The following ROBO1 variants were observed in gnomAD, a reference collection of about 807,000 sequenced individuals.
The protein encoded by ROBO1 is roundabout homolog 1.
Under a neutral mutation model 195.9 loss-of-function variants are expected in ROBO1, and 149 were observed. The ratio of observed to expected loss-of-function variants is 0.76; its 90% CI spans 0.67 to 0.87. ROBO1 has a LOEUF of 0.87. Among genes scored for constraint, ROBO1 ranks in the 40% least tolerant of loss-of-function variants. ROBO1 has a pLI of 0.00. For synonymous variants in ROBO1, 816 were observed against 733.2 expected, an observed-to-expected ratio of 1.11 and a Z score of -1.82; for missense variants, 1,933 against 2,068.3, an observed-to-expected ratio of 0.93 and a Z score of 1.27.
intron 2 of ROBO1, among the ~76,000 whole-genome samples, chr3:79,159,790 C>T (rs1035626977): frequency 1.3e-5 from 2 of 151,986 alleles, no homozygotes; most frequent in African/African-American, 2.4e-5. Context: ...TGCTTGATTT[C>T]GGTCTGGCCA....
chr3:78,625,441 T>C (rs1704704184), intron 26 of ROBO1, among the ~76,000 whole-genome samples: 1 of 152,124 alleles, frequency 6.6e-6, no homozygotes, highest in African/African-American at 2.4e-5. Context: ...AAAGAAAAGA[T>C]AAGTTTAAAG....
At chr3:79,410,131 A>T in intron 2 of ROBO1, among the ~76,000 whole-genome samples, 1 of 152,148 alleles carries the variant, frequency 6.6e-6, no homozygotes, top group East Asian at 1.9e-4. Flanking sequence ...AACGGAGTGA[A>T]TGTTTCTGAC....
intron 4 of ROBO1, among the ~76,000 whole-genome samples, chr3:78,933,788 A>G (rs2039658299): frequency 6.6e-6 from 1 of 152,008 alleles, no homozygotes. Flanking sequence ...TTTGAATATA[A>G]AAGTTAAAAA....
intron 1 of ROBO1, among the ~76,000 whole-genome samples, chr3:79,707,921 A>G (rs1339823494): frequency 6.6e-6 from 1 of 152,226 alleles, no homozygotes; most frequent in African/African-American, 2.4e-5. Context: ...TTAAATTTCA[A>G]AACTAAGAAG....
chr3:78,763,677 T>TTATGTTCAAAGA (rs2083159384), intron 4 of ROBO1, among the ~76,000 whole-genome samples: 1 of 152,194 alleles, frequency 6.6e-6, no homozygotes, highest in Non-Finnish European at 1.5e-5. Context: ...GAGTTCTTAC[T>TTATGTTCAAAGA]CTTATGTTAG....
chr3:78,923,169 A>G (rs2039037605), intron 4 of ROBO1, among the ~76,000 whole-genome samples: 1 of 152,178 alleles, frequency 6.6e-6, no homozygotes, highest in Non-Finnish European at 1.5e-5. Flanking sequence ...TTTCAGCCCC[A>G]GAAAATCAGC....
intron 4 of ROBO1, among the ~76,000 whole-genome samples, chr3:78,930,426 G>GC (rs1314142604): frequency 6.6e-6 from 1 of 152,138 alleles, no homozygotes; most frequent in African/African-American, 2.4e-5. Flanking sequence ...GGAAAGGGGG[G>GC]CCCTAAGCCT....
At chr3:78,966,675 A>G (rs1327926207) in intron 3 of ROBO1, among the ~76,000 whole-genome samples, 3 of 152,234 alleles carry the variant, frequency 2.0e-5, no homozygotes, top group Admixed American at 6.5e-5. Context: ...GCTTTAATTT[A>G]AATACAATTG....
intron 1 of ROBO1, among the ~76,000 whole-genome samples, chr3:79,662,290 C>T (rs1340392126): frequency 6.6e-6 from 1 of 152,060 alleles, no homozygotes; most frequent in African/African-American, 2.4e-5. Flanking sequence ...GTTTTTCCTG[C>T]CAACTGATGC....
At chr3:79,160,234 A>G (rs949138389) in intron 2 of ROBO1, among the ~76,000 whole-genome samples, 47 of 148,292 alleles carry the variant, frequency 3.2e-4, no homozygotes, top group African/African-American at 1.1e-3. Flanking sequence ...CTTTAAAAAA[A>G]TGTGTGTGTG....
intron 2 of ROBO1, among the ~76,000 whole-genome samples, chr3:79,361,085 T>C (rs539369978): frequency 5.3e-5 from 8 of 152,196 alleles, no homozygotes; most frequent in Non-Finnish European, 1.2e-4. Flanking sequence ...CTAATGGACA[T>C]GCCATATCAC....
intron 2 of ROBO1, among the ~76,000 whole-genome samples, chr3:79,330,309 C>CA (rs1381214734): frequency 1.4e-5 from 2 of 142,720 alleles, no homozygotes; most frequent in African/African-American, 5.2e-5. Flanking sequence ...TTTATTTCCT[C>CA]AAAAAATAAA....
intron 2 of ROBO1, among the ~76,000 whole-genome samples, chr3:79,540,699 T>C (rs190490863): frequency 6.6e-6 from 1 of 152,244 alleles, no homozygotes; most frequent in African/African-American, 2.4e-5. Context: ...CTTTGAGAAA[T>C]GTGATCTGAA....
intron 2 of ROBO1, among the ~76,000 whole-genome samples, chr3:79,346,833 A>T (rs2109247326): frequency 6.6e-6 from 1 of 151,844 alleles, no homozygotes; most frequent in East Asian, 1.9e-4. Context: ...AAGCATATAG[A>T]TTACATTAAT....
intron 2 of ROBO1, among the ~76,000 whole-genome samples, chr3:79,587,055 T>C (rs1223510345): frequency 6.6e-6 from 1 of 151,952 alleles, no homozygotes; most frequent in Admixed American, 6.6e-5. Flanking sequence ...AATCCATTTC[T>C]TAATTATTTC....
chr3:78,771,786 G>T (rs763529563), intron 4 of ROBO1, among the ~76,000 whole-genome samples: 5 of 152,182 alleles, frequency 3.3e-5, no homozygotes, highest in Non-Finnish European at 7.4e-5. Context: ...GGAGTCTTTT[G>T]GTAGAGTCTT....
chr3:78,908,659 A>T (rs1576381465), intron 4 of ROBO1, among the ~76,000 whole-genome samples: 1 of 151,868 alleles, frequency 6.6e-6, no homozygotes, highest in Admixed American at 6.6e-5. Flanking sequence ...GCATTAGTTT[A>T]CCTCGGCTTT....
chr3:79,441,464 A>G (rs936167510), intron 2 of ROBO1, among the ~76,000 whole-genome samples: 1 of 152,152 alleles, frequency 6.6e-6, no homozygotes, highest in African/African-American at 2.4e-5. Context: ...TTTTAAGTAA[A>G]TAACTAAGTA....
chr3:79,577,855 T>C (rs546413090), intron 2 of ROBO1, among the ~76,000 whole-genome samples: 177 of 151,606 alleles, frequency 1.2e-3, no homozygotes, highest in Non-Finnish European at 2.1e-3. Context: ...GAGGTTGCAG[T>C]GAGCGGAGAG....
Sources: allele counts gnomAD v4.1 joint callset (sites outside exome capture counted in the v4.1 genomes callset), GRCh38; gene constraint gnomAD v4.1.1; transcripts MANE v1.5; gene names NCBI Gene and HGNC (gene_info 2026-07-23, HGNC 2026-07-21).